UNC79: variants seen among roughly 807,000 people sequenced by gnomAD.
UNC79 encodes protein unc-79 homolog.
In UNC79, 37 loss-of-function variants were observed where a neutral mutation model predicts 283.1. That is an observed-to-expected ratio of 0.13 (90% confidence interval 0.10 to 0.17). UNC79 has a LOEUF of 0.17. UNC79 is among the 10% of genes least tolerant of loss of function. The pLI is 1.00. For missense variants in UNC79, 2,272 were observed against 3,211.1 expected (o/e 0.71, Z 7.07); for synonymous variants, 1,107 against 1,200.2 (o/e 0.92, Z 1.61).
chr14:93,642,498 C>T (rs530862828), intron 33 of UNC79, among the ~76,000 whole-genome samples: 1 of 151,678 alleles, frequency 6.6e-6, no homozygotes, highest in East Asian at 1.9e-4. Context: ...AGCTGACCAT[C>T]CATTACTCAT....
intron 31 of UNC79, 22 bp downstream of exon 33, chr14:93,630,930 A>T: frequency 1.9e-6 from 3 of 1,597,830 alleles, no homozygotes; most frequent in Non-Finnish European, 2.6e-6. Flanking sequence ...TCTGCTGATT[A>T]TTTCATCTAT....
At chr14:93,397,118 GTTTATTT>G (rs753424684) in intron 1 of UNC79, 3 of 97,446 alleles carry the variant, frequency 3.1e-5, no homozygotes, top group South Asian at 2.8e-4. Flanking sequence ...GAATTTATTT[GTTTATTT>G]TTTATTTTAT....
chr14:93,687,406 A>G (rs2074327808), intron 43 of UNC79, among the ~76,000 whole-genome samples: 1 of 152,200 alleles, frequency 6.6e-6, no homozygotes, highest in South Asian at 2.1e-4. Flanking sequence ...TAAAAGATGA[A>G]TAGTTTGAGA....
chr14:93,494,157 G>A (rs187867250), intron 5 of UNC79, among the ~76,000 whole-genome samples: 37 of 151,892 alleles, frequency 2.4e-4, no homozygotes, highest in Admixed American at 2.0e-4. Flanking sequence ...TGATCCACCC[G>A]CCTCGGCCTC....
intron 14 of UNC79, among the ~76,000 whole-genome samples, chr14:93,558,593 ATTTTTTTTTTTTTTTTTTTTTTTTTT>A (rs71129647): frequency 2.7e-4 from 17 of 62,778 alleles, no homozygotes; most frequent in African/African-American, 1.0e-3. Flanking sequence ...AGAAACAGGG[ATTTTTTTTTTTTTTTTTTTTTTTTTT>A]TTTTTTTTTT....
chr14:93,419,171 T>A (rs888255241), intron 1 of UNC79, among the ~76,000 whole-genome samples: 18 of 133,838 alleles, frequency 1.3e-4, no homozygotes, highest in African/African-American at 4.8e-4. Context: ...GCTCCACACC[T>A]TTTTTTTTTT....
At position 93,431,070 on chromosome 14, in the gene UNC79, G is replaced by A. The variant is rs1280302224; in HGVS notation, c.22+19G>A. On this transcript the variant is annotated intron_variant, in intron 1 of 48. Transcript: ENST00000555664. ...GAGCAGTGTAAGTAGCAGCCGGCCCGGCATTCCGGCCCGGCCTCGGCTGGG... is the reference window on the plus strand; with the variant it reads ...GAGCAGTGTAAGTAGCAGCCGGCCCAGCATTCCGGCCCGGCCTCGGCTGGG... The A allele has an allele frequency of 1.0e-5, 7 of 700,788 alleles. No individual in the cohort carries two copies. Among genetic ancestry groups the A allele is most frequent in the Admixed American group, 4.0e-5 (2 of 49,920 alleles). The allele number at this position is 700,788 out of a possible 1,614,324, so 43.4% of individuals were successfully genotyped here.
chr14:93,362,567 T>C (rs776370023), intron 1 of UNC79, among the ~76,000 whole-genome samples: 4 of 152,130 alleles, frequency 2.6e-5, no homozygotes, highest in Non-Finnish European at 4.4e-5. Context: ...CAGGCTAGTC[T>C]CCAACTCCTG....
At chr14:93,424,223 G>A (rs2055673771) in intron 1 of UNC79, among the ~76,000 whole-genome samples, 1 of 152,000 alleles carries the variant, frequency 6.6e-6, no homozygotes, top group African/African-American at 2.4e-5. Flanking sequence ...AACAAATGCT[G>A]GAGAGGATGT....
intron 17 of UNC79, among the ~76,000 whole-genome samples, chr14:93,577,565 A>G (rs940344883): frequency 3.9e-5 from 6 of 152,226 alleles, no homozygotes; most frequent in African/African-American, 1.4e-4. Context: ...ATCCGGTCTA[A>G]TTGGACATGT....
Position 93,538,223 on chromosome 14 carries a change from C to G in UNC79, c.1352+5C>G, listed in dbSNP as rs753760001. On this transcript the variant is annotated splice_donor_5th_base_variant and intron_variant, in intron 12 of 48. Coordinates refer to ENST00000555664, the Ensembl canonical transcript of UNC79. ...CGCCGTGGAAGCCGTGATCAGGTAACACGCAGTTTCTTAGTAGCTGCCTCT... is the reference window on the plus strand; with the variant it reads ...CGCCGTGGAAGCCGTGATCAGGTAAGACGCAGTTTCTTAGTAGCTGCCTCT... 6.4e-7 allele frequency: 1 copy of G among 1,566,242 alleles called. No individual in the cohort carries two copies. The highest frequency in any genetic ancestry group is 8.7e-7 in the Non-Finnish European group (1 of 1,155,034).
intron 43 of UNC79, among the ~76,000 whole-genome samples, chr14:93,686,959 G>T (rs2074287275): frequency 6.6e-6 from 1 of 152,224 alleles, no homozygotes; most frequent in South Asian, 2.1e-4. Context: ...AGAAACTGAG[G>T]CTTGGGGTGG....
At chr14:93,440,890 AGTT>A in intron 1 of UNC79, among the ~76,000 whole-genome samples, 1 of 152,254 alleles carries the variant, frequency 6.6e-6, no homozygotes, top group South Asian at 2.1e-4. Context: ...CTTAAAAAGA[AGTT>A]GTAATCTCTA....
exon 7 of UNC79, chr14:93,497,224 A>G: frequency 6.2e-7 from 1 of 1,613,590 alleles, no homozygotes; most frequent in Non-Finnish European, 8.5e-7. Context: ...ATGCTTTTCC[A>G]CTACTGGCCC....
chr14:93,621,533 A>T lies in UNC79; in HGVS notation c.4388-88A>T. ...TGGTGGAGCTGGGATTGTGATGATG[A>T]TTTATGCCAATTGTATGCCCAAGGA... On this transcript the variant is annotated intron_variant, in intron 29 of 48. Coordinates refer to ENST00000555664, the Ensembl canonical transcript of UNC79. The surrounding 1 kb of genome is among the most constrained non-coding windows in gnomAD (Gnocchi z 4.8). 7.1e-7 allele frequency: 1 copy of T among 1,411,900 alleles called. No individual in the cohort carries two copies. Among genetic ancestry groups the T allele is most frequent in the Non-Finnish European group, 9.3e-7 (1 of 1,073,680 alleles). 87.5% of individuals were successfully genotyped at this position (1,411,900 alleles called of 1,614,324 possible). A position where few individuals can be genotyped will look rare whatever the true frequency, so the allele number is the denominator to read the frequency against.
chr14:93,668,232 T>A (rs183201511), intron 40 of UNC79, among the ~76,000 whole-genome samples: 2 of 152,162 alleles, frequency 1.3e-5, no homozygotes, highest in Non-Finnish European at 2.9e-5. Flanking sequence ...TCATAGGTGA[T>A]ACGATTACAA....
intron 37 of UNC79, 126 bp from the exon 41 acceptor site, chr14:93,655,108 C>G: frequency 2.0e-6 from 2 of 987,990 alleles, no homozygotes; most frequent in East Asian, 5.1e-5. Flanking sequence ...AGGGATTGGC[C>G]TATGTAGTAG....
At chr14:93,651,916 T>A (rs1020168784) in intron 35 of UNC79, among the ~76,000 whole-genome samples, 67 of 127,040 alleles carry the variant, frequency 5.3e-4, no homozygotes, top group African/African-American at 2.2e-3. Flanking sequence ...TTTTGTATTT[T>A]TTTTTTTTTT....
At chr14:93,577,941 C>T in exon 18 of UNC79, 1 of 1,614,174 alleles carries the variant, frequency 6.2e-7, no homozygotes, top group Non-Finnish European at 8.5e-7. Flanking sequence ...TTTGCGTAGT[C>T]CGTTTCGTAG....
Sources: gnomAD v4.1 joint callset for allele counts (sites outside exome capture counted in the v4.1 genomes callset) on GRCh38, gnomAD v4.1.1 for gene constraint, Gnocchi (gnomAD v3.1) non-coding constraint, MANE v1.5 for transcripts, NCBI Gene and HGNC (gene_info 2026-07-23, HGNC 2026-07-21) for gene names.